Variants in S100A13 observed in about 807,000 individuals in gnomAD.
The protein encoded by S100A13 is protein S100-A13.
A neutral mutation model predicts 8.2 loss-of-function variants in S100A13; 6 were observed. That is an observed-to-expected ratio of 0.73 (90% CI 0.40 to 1.44). The LOEUF (loss-of-function observed/expected upper bound fraction) is 1.44. Among genes scored for constraint, S100A13 ranks in the 40% most tolerant of loss-of-function variants. The probability of loss-of-function intolerance (pLI) is 0.02; values close to 1 mark genes in which losing one functional copy is unlikely to be tolerated. For missense variants in S100A13, 114 were observed against 113.6 expected (o/e 1.00, Z -0.02); for synonymous variants, 39 against 45.9 (o/e 0.85, Z 0.61).
At chr1:153,628,509 C>T (rs1296027349), upstream of S100A13, 13 of 1,550,568 alleles carry the variant, frequency 8.4e-6, no homozygotes, top group Admixed American at 2.0e-5. Flanking sequence ...GAGTACCCTG[C>T]CCCACTGGGC....
upstream of S100A13, chr1:153,630,670 T>C (rs201604670): frequency 2.0e-5 from 33 of 1,613,878 alleles, no homozygotes; most frequent in Non-Finnish European, 2.5e-5. Flanking sequence ...GATGTGAGCA[T>C]AGAGTGGTGG....
upstream of S100A13, among the ~76,000 whole-genome samples, chr1:153,632,871 G>C (rs1553225688): frequency 6.6e-6 from 1 of 152,122 alleles, no homozygotes; most frequent in Non-Finnish European, 1.5e-5. Context: ...ATAGTCATTA[G>C]AAAAATCCCT....
At position 153,618,931 on chromosome 1, in the gene S100A13, G is replaced by A; in HGVS notation, c.261C>T (p.Ile87=). The change falls in exon 3 of 3, where the codon ATC becomes ATT. Residue 87 remains isoleucine (I), a synonymous_variant. Transcript: ENST00000476133. ...WRLIGELAKE[I]RKKKDLKIRK... is the part of the protein sequence containing the mutation. ...TGATCTTCAGGTCTTTCTTCTTCCT[G>A]ATTTCCTTGGCCAGCTCCCCAATCA... 6.2e-7 allele frequency: 1 copy of A among 1,614,054 alleles called. No homozygotes were observed. Among genetic ancestry groups the A allele is most frequent in the Non-Finnish European group, 8.5e-7 (1 of 1,180,002 alleles).
chr1:153,620,169 C>T (rs1236297399), intron 2 of S100A13, among the ~76,000 whole-genome samples: 1 of 151,988 alleles, frequency 6.6e-6, no homozygotes, highest in African/African-American at 2.4e-5. Flanking sequence ...AGCCTGTAAT[C>T]CCAGCTACTC....
chr1:153,631,972 A>G, upstream of S100A13: 1 of 870,870 alleles, frequency 1.1e-6, no homozygotes, highest in South Asian at 1.8e-5. Context: ...CACCCCCACC[A>G]AGGGCGCAAG....
intron 2 of S100A13, among the ~76,000 whole-genome samples, chr1:153,621,604 C>T (rs886592689): frequency 6.6e-6 from 1 of 151,234 alleles, no homozygotes; most frequent in South Asian, 2.1e-4. Context: ...GAAACCCCAT[C>T]TCGGGCAACC....
chr1:153,626,436 T>G lies in S100A13; in HGVS notation c.37A>C (p.Ile13Leu). The G allele has an allele frequency of 6.2e-7, 1 of 1,614,200 alleles. No individual in the cohort carries two copies. Among genetic ancestry groups the G allele is most frequent in the Non-Finnish European group, 8.5e-7 (1 of 1,180,036 alleles). ...AAGAAGGTGGTGACCACGGTCTCAA[T>G]GGACTCCTCTAGCTCTGTCAGTGGT... is the stretch of plus-strand genomic sequence containing the variant. ...AEPLTELEESIETVVTTFFTF... is the reference protein window; with the variant it reads ...AEPLTELEESLETVVTTFFTF... Residue 13 changes from isoleucine to leucine, a missense_variant, in exon 2 of 3, where the codon ATT (isoleucine) becomes CTT (leucine). Physicochemically the swap from Ile to Leu is conservative, Grantham distance 5 (BLOSUM62 2). Transcript: ENST00000476133.
intron 2 of S100A13, among the ~76,000 whole-genome samples, chr1:153,619,942 A>G (rs1667127375): frequency 6.6e-6 from 1 of 152,222 alleles, no homozygotes; most frequent in Admixed American, 6.5e-5. Context: ...CTACTGTAAC[A>G]TTATATTGGG....
chr1:153,624,900 C>T (rs889211017), intron 2 of S100A13, among the ~76,000 whole-genome samples: 2 of 152,152 alleles, frequency 1.3e-5, no homozygotes, highest in African/African-American at 4.8e-5. Context: ...CATAGTGAAA[C>T]CCCGTCTCTA....
chr1:153,629,605 A>T (rs1261464766), upstream of S100A13: 1 of 152,306 alleles, frequency 6.6e-6, no homozygotes, highest in Non-Finnish European at 1.5e-5. Flanking sequence ...AGCCCCTTGA[A>T]CTCAAAGGAC....
chr1:153,629,511 G>A (rs1049540825), upstream of S100A13: 3 of 152,270 alleles, frequency 2.0e-5, no homozygotes, highest in Non-Finnish European at 2.9e-5. Flanking sequence ...ACTGTCCCAG[G>A]GCCAAGGGAA....
At chr1:153,631,886 G>C, upstream of S100A13, 1 of 1,597,882 alleles carries the variant, frequency 6.3e-7, no homozygotes, top group South Asian at 1.1e-5. Flanking sequence ...CACCCTCCCA[G>C]ACCTGCCTCT....
chr1:153,626,529 C>A lies in S100A13; in HGVS notation c.-57G>T, dbSNP rs1667646596. 1 of 1,578,134 alleles carries A rather than the reference C, an allele frequency of 6.3e-7. No homozygotes were observed. The highest frequency in any genetic ancestry group is 8.7e-7 in the Non-Finnish European group (1 of 1,151,442). ...AGGGGCTAGCTGACCTTTGTCAGGG[C>A]TGACCTGTGGAAGAGAGAAGGAGCA... On this transcript the variant is annotated 5_prime_UTR_variant, in exon 2 of 3. Coordinates refer to ENST00000476133, the MANE Select transcript of S100A13 (RefSeq NM_001024211.2).
At chr1:153,625,669 C>T (rs139617168) in intron 2 of S100A13, among the ~76,000 whole-genome samples, 1 of 152,244 alleles carries the variant, frequency 6.6e-6, no homozygotes, top group South Asian at 2.1e-4. Flanking sequence ...CTCCTTCCAG[C>T]TCTGACAGTC....
chr1:153,622,921 T>G (rs1028109487), intron 2 of S100A13, among the ~76,000 whole-genome samples: 5 of 152,078 alleles, frequency 3.3e-5, no homozygotes, highest in Non-Finnish European at 7.4e-5. Flanking sequence ...AGGCCCTGTC[T>G]CTACAAAAAA....
upstream of S100A13, chr1:153,628,688 A>C (rs1667821565): frequency 3.1e-6 from 3 of 975,586 alleles, no homozygotes; most frequent in African/African-American, 3.3e-5. Flanking sequence ...GAGACAAATG[A>C]ACTGAAGGTC....
chr1:153,625,871 G>A (rs1478934810), intron 2 of S100A13, among the ~76,000 whole-genome samples: 2 of 152,218 alleles, frequency 1.3e-5, no homozygotes, highest in African/African-American at 4.8e-5. Flanking sequence ...CACCAGGCAA[G>A]AAAACTCACA....
chr1:153,625,994 C>T (rs751900263), intron 2 of S100A13, among the ~76,000 whole-genome samples: 2 of 152,114 alleles, frequency 1.3e-5, no homozygotes, highest in Non-Finnish European at 2.9e-5. Flanking sequence ...CTGGTGAAAC[C>T]CTGTCTCTAC....
In S100A13 at chr1:153,621,242, C is replaced by T. The variant is rs532281067; in HGVS notation, c.154-2204G>A. 5.3e-5 allele frequency among the ~76,000 whole-genome samples: 8 copies of T among 151,754 alleles called. No homozygotes were observed. In the South Asian group the frequency reaches 1.7e-3, roughly 32 times the overall value. On this transcript the variant is annotated intron_variant, in intron 2 of 2. Coordinates refer to ENST00000476133, the MANE Select transcript of S100A13 (RefSeq NM_001024211.2). Reference sequence around the variant, plus strand: ...TATGATCTCAGCTCACTGCAACCCCCACCTTCTGGGTTCAAGCAATTCTCC... The same window carrying T: ...TATGATCTCAGCTCACTGCAACCCCTACCTTCTGGGTTCAAGCAATTCTCC...
Sources: gnomAD v4.1 joint callset for allele counts (sites outside exome capture counted in the v4.1 genomes callset) on GRCh38, gnomAD v4.1.1 for gene constraint, MANE v1.5 for transcripts, NCBI Gene and HGNC (gene_info 2026-07-23, HGNC 2026-07-21) for gene names.